STMN1: variants seen among roughly 807,000 people sequenced by gnomAD.
The protein encoded by STMN1 is stathmin.
STMN1 carries 3 observed loss-of-function variants against 19.7 expected under a neutral mutation model. The ratio of observed to expected loss-of-function variants is 0.15; its 90% confidence interval spans 0.07 to 0.39. The LOEUF is 0.39. STMN1 is among the 10% of genes least tolerant of loss of function. STMN1 has a pLI of 1.00. For synonymous variants in STMN1, 59 were observed against 58.9 expected (o/e 1.00, Z -0.01); for missense variants, 99 against 176.0 (o/e 0.56, Z 2.48).
chr1:25,887,410 G>C (rs1234141067), intron 4 of STMN1: 2 of 348,868 alleles, frequency 5.7e-6, no homozygotes, highest in Non-Finnish European at 1.1e-5. Context: ...TAACAGGAAA[G>C]CCGGTGATGC....
downstream of STMN1, among the ~76,000 whole-genome samples, chr1:25,897,323 A>AG (rs1553128625): frequency 7.0e-6 from 1 of 143,594 alleles, no homozygotes; most frequent in African/African-American, 2.5e-5. Flanking sequence ...AAAAAAAAAA[A>AG]AAAGAAAAGA....
In STMN1 at chr1:25,893,322, C is replaced by T. The variant is rs182622647; in HGVS notation, c.379-7453G>A. ...CAATCCCCGAGCTATACTTTGATAGCACTGATCTGAGCTGCTAAGAGGGAC... is the reference window on the plus strand; with the variant it reads ...CAATCCCCGAGCTATACTTTGATAGTACTGATCTGAGCTGCTAAGAGGGAC... On this transcript the variant is annotated intron_variant, in intron 4 of 4. Transcript: ENST00000426559. 1.8e-3 allele frequency among the ~76,000 whole-genome samples: 280 copies of T among 152,270 alleles called. 5 individuals are homozygous for T. Among genetic ancestry groups the T allele is most frequent in the Non-Finnish European group, 8.4e-4 (57 of 68,018 alleles).
chr1:25,889,644 C>G (rs1004061010), intron 4 of STMN1, among the ~76,000 whole-genome samples: 4 of 152,206 alleles, frequency 2.6e-5, no homozygotes, highest in African/African-American at 9.7e-5. Context: ...CTCCCTTGTG[C>G]ACTCCGGCTC....
At chr1:25,884,695 CAAAAAAAAAAA>C (rs11337126), downstream of STMN1, 2 of 88,716 alleles carry the variant, frequency 2.3e-5, no homozygotes, top group Non-Finnish European at 4.4e-5. Flanking sequence ...GACTCTGCCT[CAAAAAAAAAAA>C]AAAAAAAAAA....
intron 4 of STMN1, among the ~76,000 whole-genome samples, chr1:25,891,898 G>A: frequency 6.6e-6 from 1 of 152,182 alleles, no homozygotes; most frequent in East Asian, 1.9e-4. Flanking sequence ...CCAGCCCTGT[G>A]CTGGGCATTT....
Position 25,900,292 on chromosome 1 carries a change from CT to C in STMN1, c.*723del, listed in dbSNP as rs1363322560. On this transcript the variant is annotated 3_prime_UTR_variant, in exon 5 of 5. Transcript: ENST00000455785. ...AAACACGCTTGTGCTTTTAATCTGC[CT>C]TTTAAAAGGGACACAGAACAAAAAA... 22 of 985,824 alleles carry C rather than the reference CT, an allele frequency of 2.2e-5. No homozygotes were observed. In the African/African-American group the frequency reaches 3.8e-4, roughly 17 times the overall value. 61.1% of individuals were successfully genotyped at this position (985,824 alleles called of 1,614,324 possible). A position where few individuals can be genotyped will look rare whatever the true frequency, so the allele number is the denominator to read the frequency against.
downstream of STMN1, among the ~76,000 whole-genome samples, chr1:25,895,352 C>T (rs991386567): frequency 6.6e-6 from 1 of 152,036 alleles, no homozygotes; most frequent in Non-Finnish European, 1.5e-5. Flanking sequence ...GTGATCTGCC[C>T]GCCTCGGTCT....
Position 25,900,694 on chromosome 1 carries a change from CTT to C in STMN1, c.*320_*321del, listed in dbSNP as rs2048861864. On this transcript the variant is annotated 3_prime_UTR_variant, in exon 5 of 5. Coordinates refer to ENST00000455785, the MANE Select transcript of STMN1 (RefSeq NM_005563.4). ...AGTTCAAAAGAAGCCACTACATACT[CTT>C]TTCACAAATATGTTTTCACAGAGCC... 1.2e-5 allele frequency: 13 copies of C among 1,076,804 alleles called. No homozygotes were observed. Among genetic ancestry groups the C allele is most frequent in the African/African-American group, 1.7e-5 (1 of 60,078 alleles). The allele number at this position is 1,076,804 out of a possible 1,614,324, so 66.7% of individuals were successfully genotyped here. A position where few individuals can be genotyped will look rare whatever the true frequency, so the allele number is the denominator to read the frequency against.
rs1197104233 is a variant in STMN1, at chr1:25,900,998, G to A, written c.*18C>T. ...TATTTAGGAAGGGGATGGGGAGAAA[G>A]TCAGTTCTCAGAACAAATTAGTCAG... On this transcript the variant is annotated 3_prime_UTR_variant, in exon 5 of 5. Coordinates refer to ENST00000455785, the MANE Select transcript of STMN1 (RefSeq NM_005563.4). 2.5e-6 allele frequency: 4 copies of A among 1,611,082 alleles called. No individual in the cohort carries two copies. The East Asian group carries it at 6.7e-5, about 27-fold the overall frequency.
intron 4 of STMN1, 89 bp from the exon 5 acceptor site, chr1:25,901,176 G>T: frequency 6.5e-7 from 1 of 1,532,880 alleles, no homozygotes; most frequent in Non-Finnish European, 8.7e-7. Flanking sequence ...CCACCTCAAA[G>T]AGGCCCAACA....
chr1:25,901,117 C>CAAAAAAAAA (rs58316569), intron 4 of STMN1, 30 bp from the exon 5 acceptor site: 8 of 1,204,930 alleles, frequency 6.6e-6, no homozygotes, highest in East Asian at 3.4e-5. Flanking sequence ...TGTCATCAGT[C>CAAAAAAAAA]AAAAAAAAAA....
intron 4 of STMN1, among the ~76,000 whole-genome samples, chr1:25,893,781 T>C (rs778518681): frequency 6.6e-6 from 1 of 152,206 alleles, no homozygotes; most frequent in African/African-American, 2.4e-5. Context: ...CCTCAGGTGA[T>C]CCGCCCACCT....
chr1:25,903,028 C>T (rs190185522), intron 3 of STMN1: 5 of 152,248 alleles, frequency 3.3e-5, no homozygotes, highest in African/African-American at 1.2e-4. Context: ...TTCTCGGAAG[C>T]GGGATAATGA....
At chr1:25,898,042 T>C (rs989664297), downstream of STMN1, among the ~76,000 whole-genome samples, 10 of 152,044 alleles carry the variant, frequency 6.6e-5, no homozygotes, top group Non-Finnish European at 1.5e-5. Flanking sequence ...CGGCAGCCAC[T>C]CTCCAGTCAA....
At position 25,892,555 on chromosome 1, in the gene STMN1, GGCTGAGCC is replaced by G. The variant is rs142059174; in HGVS notation, c.379-6694_379-6687del. 0.013 allele frequency: 13,155 copies of G among 984,958 alleles called. 883 individuals carry two copies. The African/African-American group carries it at 0.17, about 13-fold the overall frequency. 61.0% of individuals were successfully genotyped at this position (984,958 alleles called of 1,614,324 possible). On this transcript the variant is annotated intron_variant, in intron 4 of 4. Coordinates refer to the STMN1 transcript ENST00000426559. Reference sequence around the variant, plus strand: ...AAACAGGGAGGGTAGATGCCACCACGGCTGAGCCGCTGAGCCGCTGAGGGTCCCCTCCC... The same window carrying G: ...AAACAGGGAGGGTAGATGCCACCACGGCTGAGCCGCTGAGGGTCCCCTCCC...
chr1:25,886,008 A>G, intron 4 of STMN1: 1 of 1,235,516 alleles, frequency 8.1e-7, no homozygotes, highest in Non-Finnish European at 1.1e-6. Flanking sequence ...TCTTTAAAAA[A>G]TACTGACACC....
At chr1:25,886,924 T>C (rs2048726879) in intron 4 of STMN1, among the ~76,000 whole-genome samples, 1 of 152,044 alleles carries the variant, frequency 6.6e-6, no homozygotes, top group South Asian at 2.1e-4. Flanking sequence ...CTGCTTCTCA[T>C]CTGGGACTCA....
In STMN1 at chr1:25,900,245, T is replaced by TTC; in HGVS notation, c.*769_*770dup. 1 of 985,864 alleles carries TTC rather than the reference T, an allele frequency of 1.0e-6. No homozygotes were observed. The highest frequency in any genetic ancestry group is 1.2e-6 in the Non-Finnish European group (1 of 829,940). 61.1% of individuals were successfully genotyped at this position (985,864 alleles called of 1,614,324 possible). On this transcript the variant is annotated 3_prime_UTR_variant, in exon 5 of 5. Transcript: ENST00000455785. ...CAAACCACCAAGTAGAATCTTGAGA[T>TTC]TCTCTCTCAACTGTTCTCTAGAAAC...
intron 4 of STMN1, among the ~76,000 whole-genome samples, chr1:25,893,692 C>T (rs1224369626): frequency 6.6e-6 from 1 of 152,204 alleles, no homozygotes; most frequent in African/African-American, 2.4e-5. Flanking sequence ...AGGCACCCGC[C>T]ATCACGCCTG....
Sources: gnomAD v4.1 joint callset for allele counts (sites outside exome capture counted in the v4.1 genomes callset) on GRCh38, gnomAD v4.1.1 for gene constraint, MANE v1.5 for transcripts, NCBI Gene and HGNC (gene_info 2026-07-23, HGNC 2026-07-21) for gene names.